Variants in TAFA4 observed in about 807,000 individuals in gnomAD.
TAFA4 encodes TAFA chemokine like family member 4.
Under a neutral mutation model 21.1 loss-of-function variants are expected in TAFA4, and 20 were observed. The ratio of observed to expected loss-of-function variants is 0.95; its 90% CI spans 0.67 to 1.38. The LOEUF (loss-of-function observed/expected upper bound fraction) is 1.38. Ranked by LOEUF, TAFA4 falls within the 40% of genes most tolerant of loss-of-function variation. The pLI is 0.00. For synonymous variants in TAFA4, 71 were observed against 67.4 expected (o/e 1.05, Z -0.26); for missense variants, 211 against 180.9 (o/e 1.17, Z -0.95).
intron 1 of TAFA4, among the ~76,000 whole-genome samples, chr3:68,885,943 T>C (rs2089668456): frequency 6.6e-6 from 1 of 152,290 alleles, no homozygotes. Flanking sequence ...AACACATTTG[T>C]AAAAGGACTC....
intron 1 of TAFA4, among the ~76,000 whole-genome samples, chr3:68,931,843 G>A (rs1377740210): frequency 6.6e-6 from 1 of 152,146 alleles, no homozygotes; most frequent in Non-Finnish European, 1.5e-5. Context: ...CAGATTAAAG[G>A]GATGAAGCGC....
chr3:68,871,975 T>A (rs114655036), intron 3 of TAFA4, among the ~76,000 whole-genome samples: 3,100 of 152,216 alleles, frequency 0.02, 109 homozygotes, highest in African/African-American at 0.071. Context: ...GTACAGCCAC[T>A]GTGGAAAACA....
chr3:68,881,191 A>G (rs925754519), intron 2 of TAFA4, among the ~76,000 whole-genome samples: 2 of 152,220 alleles, frequency 1.3e-5, no homozygotes, highest in African/African-American at 4.8e-5. Flanking sequence ...AGCCAGATCC[A>G]AATAAAATAT....
chr3:68,913,840 A>G (rs2089981728), intron 1 of TAFA4: 1 of 152,222 alleles, frequency 6.6e-6, no homozygotes, highest in African/African-American at 2.4e-5. Context: ...TCATCATTCT[A>G]TACCTCAGTT....
chr3:68,893,349 CT>C lies in TAFA4; in HGVS notation c.-122-8040del, dbSNP rs1575661232. 2.0e-5 allele frequency among the ~76,000 whole-genome samples: 3 copies of C among 152,150 alleles called. No homozygotes were observed. In the East Asian group the frequency reaches 5.8e-4, roughly 29 times the overall value. On this transcript the variant is annotated intron_variant, in intron 1 of 5. Coordinates refer to ENST00000295569, the MANE Select transcript of TAFA4 (RefSeq NM_182522.5). ...CTATGGGCAAGTGGGAGTCTATTTACTTATAACCAGAATGTAAAGTTCTTGA... is the reference window on the plus strand; with the variant it reads ...CTATGGGCAAGTGGGAGTCTATTTACTATAACCAGAATGTAAAGTTCTTGA...
chr3:68,782,849 G>A (rs1210156719), intron 3 of TAFA4, among the ~76,000 whole-genome samples: 1 of 152,170 alleles, frequency 6.6e-6, no homozygotes, highest in Non-Finnish European at 1.5e-5. Flanking sequence ...CATTGTGAAT[G>A]TACTAAGTAC....
At chr3:68,857,040 T>A (rs1172921509) in intron 3 of TAFA4, among the ~76,000 whole-genome samples, 3 of 152,168 alleles carry the variant, frequency 2.0e-5, no homozygotes, top group African/African-American at 7.2e-5. Flanking sequence ...TGCCTGTTAA[T>A]AATACTAAAA....
At chr3:68,845,942 T>C in intron 3 of TAFA4, among the ~76,000 whole-genome samples, 1 of 152,240 alleles carries the variant, frequency 6.6e-6, no homozygotes, top group East Asian at 1.9e-4. Flanking sequence ...CTGGATGCTC[T>C]TAACATTTTT....
intron 3 of TAFA4, among the ~76,000 whole-genome samples, chr3:68,846,497 A>G (rs1704800823): frequency 1.3e-5 from 2 of 151,904 alleles, no homozygotes; most frequent in South Asian, 4.2e-4. Flanking sequence ...GTTATTGCCC[A>G]TCTTTTGAGG....
Position 68,816,484 on chromosome 3 carries a change from T to C in TAFA4, c.131-63466A>G, listed in dbSNP as rs533227785. Among the ~76,000 whole-genome samples, 13 of 152,314 alleles carry C rather than the reference T, an allele frequency of 8.5e-5. No individual in the cohort carries two copies. In the South Asian group the frequency reaches 2.7e-3, roughly 32 times the overall value. On this transcript the variant is annotated intron_variant, in intron 3 of 5. Transcript: ENST00000295569. Reference sequence around the variant, plus strand: ...TTTTTTGTAGCTACTATAAATGGGATTGTTTTCTTGATTTCTTTTCCGATG... The same window carrying C: ...TTTTTTGTAGCTACTATAAATGGGACTGTTTTCTTGATTTCTTTTCCGATG...
At chr3:68,759,664 C>T (rs967869316) in intron 3 of TAFA4, among the ~76,000 whole-genome samples, 1 of 152,084 alleles carries the variant, frequency 6.6e-6, no homozygotes, top group Admixed American at 6.6e-5. Flanking sequence ...TAACATGAGG[C>T]CCCTGCAATA....
At chr3:68,915,862 T>C (rs997413739) in intron 1 of TAFA4, among the ~76,000 whole-genome samples, 4 of 152,198 alleles carry the variant, frequency 2.6e-5, no homozygotes, top group African/African-American at 9.7e-5. Flanking sequence ...TTAAGATACA[T>C]ATGAAGTGAA....
intron 1 of TAFA4, among the ~76,000 whole-genome samples, chr3:68,886,610 T>TA: frequency 6.6e-6 from 1 of 152,212 alleles, no homozygotes; most frequent in Middle Eastern, 3.4e-3. Flanking sequence ...TTCAATTCAT[T>TA]AAAAAAATAG....
At chr3:68,736,917 T>TTATC (rs1702251431) in intron 5 of TAFA4, among the ~76,000 whole-genome samples, 1 of 151,540 alleles carries the variant, frequency 6.6e-6, no homozygotes. Flanking sequence ...GGGAACTGTA[T>TTATC]TATCTTTCTA....
intron 3 of TAFA4, among the ~76,000 whole-genome samples, chr3:68,851,166 A>G (rs147460882): frequency 1.3e-5 from 2 of 152,340 alleles, no homozygotes; most frequent in Non-Finnish European, 2.9e-5. Context: ...GCAACTATAA[A>G]AAGGAATGAG....
At chr3:68,736,134 A>G (rs549804216) in intron 5 of TAFA4, among the ~76,000 whole-genome samples, 14 of 152,268 alleles carry the variant, frequency 9.2e-5, no homozygotes, top group South Asian at 6.2e-4. Context: ...CACAAACAAG[A>G]TACGGCAAAT....
intron 4 of TAFA4, among the ~76,000 whole-genome samples, chr3:68,744,588 C>G (rs1464874558): frequency 2.0e-5 from 3 of 152,124 alleles, no homozygotes; most frequent in Admixed American, 2.0e-4. Flanking sequence ...AAATTCCAGT[C>G]AGCACTTACT....
intron 3 of TAFA4, among the ~76,000 whole-genome samples, chr3:68,879,255 C>A (rs917529369): frequency 6.6e-6 from 1 of 152,050 alleles, no homozygotes; most frequent in African/African-American, 2.4e-5. Context: ...GAGTGAAAAT[C>A]TGACCAGAGT....
chr3:68,894,155 T>G (rs574653431), intron 1 of TAFA4, among the ~76,000 whole-genome samples: 1 of 151,468 alleles, frequency 6.6e-6, no homozygotes, highest in Non-Finnish European at 1.5e-5. Context: ...CTGTTACTTG[T>G]TACTTTTTTT....
Sources: gnomAD v4.1 joint callset for allele counts (sites outside exome capture counted in the v4.1 genomes callset) on GRCh38, gnomAD v4.1.1 for gene constraint, MANE v1.5 for transcripts, NCBI Gene and HGNC (gene_info 2026-07-23, HGNC 2026-07-21) for gene names.